The following NELL1 variants were observed in gnomAD, a reference collection of about 807,000 sequenced individuals.
The protein encoded by NELL1 is neural EGFL like 1.
A neutral mutation model predicts 107.4 loss-of-function variants in NELL1; 76 were observed. The observed-to-expected ratio is 0.71, with a 90% CI of 0.59 to 0.86. NELL1 has a LOEUF of 0.86. Ranked by LOEUF, NELL1 falls within the 40% of genes least tolerant of loss-of-function variation. The probability of loss-of-function intolerance (pLI) is 0.00; values close to 1 mark genes in which losing one functional copy is unlikely to be tolerated. For synonymous variants in NELL1, 353 were observed against 341.2 expected (o/e 1.03, Z -0.38); for missense variants, 1,024 against 1,005.5 (o/e 1.02, Z -0.25).
At chr11:21,299,213 T>A (rs1288827714) in intron 14 of NELL1, among the ~76,000 whole-genome samples, 1 of 152,036 alleles carries the variant, frequency 6.6e-6, no homozygotes, top group Admixed American at 6.6e-5. Context: ...TTTTCAGCTT[T>A]ATTAAGAAAT....
intron 12 of NELL1, among the ~76,000 whole-genome samples, chr11:20,962,440 A>G (rs915713152): frequency 1.3e-5 from 2 of 152,186 alleles, no homozygotes; most frequent in Admixed American, 6.5e-5. Flanking sequence ...CTCAAAAACA[A>G]TGTGAATCCT....
chr11:21,093,064 A>G lies in NELL1; in HGVS notation c.1301-20525A>G, dbSNP rs188934901. On this transcript the variant is annotated intron_variant, in intron 12 of 19. Transcript: ENST00000357134. ...AGTGGAGAGCTACTGAATGTTTACC[A>G]TTGGTTCAGGGGTGGGAGGAGGAAA... 2.9e-4 allele frequency among the ~76,000 whole-genome samples: 44 copies of G among 152,264 alleles called. No homozygotes were observed. The East Asian group carries it at 8.1e-3, about 28-fold the overall frequency.
intron 14 of NELL1, among the ~76,000 whole-genome samples, chr11:21,246,565 T>C (rs1238194153): frequency 1.3e-5 from 2 of 152,168 alleles, no homozygotes; most frequent in Non-Finnish European, 2.9e-5. Context: ...ATGGTATAGC[T>C]TACTACATAC....
chr11:21,567,711 T>C (rs749743075), intron 17 of NELL1, among the ~76,000 whole-genome samples: 25 of 151,954 alleles, frequency 1.6e-4, no homozygotes, highest in Admixed American at 8.5e-4. Context: ...AGCGTTGTTG[T>C]GGATAAAGTA....
rs182499739 is a variant in NELL1, at chr11:21,042,152, A to G, written c.1301-71437A>G. Reference sequence around the variant, plus strand: ...AATACTTAAAATATAACCTCTTAACACAATGTATTATAAACGAAAAACAAA... The same window carrying G: ...AATACTTAAAATATAACCTCTTAACGCAATGTATTATAAACGAAAAACAAA... On this transcript the variant is annotated intron_variant, in intron 12 of 19. Coordinates refer to ENST00000357134, the MANE Select transcript of NELL1 (RefSeq NM_006157.5). Among the ~76,000 whole-genome samples the G allele has an allele frequency of 1.8e-3, 273 of 152,340 alleles. 2 individuals carry two copies. The highest frequency in any genetic ancestry group is 1.6e-3 in the Non-Finnish European group (107 of 68,026).
intron 1 of NELL1, among the ~76,000 whole-genome samples, chr11:20,674,237 A>C (rs1332490688): frequency 1.3e-5 from 2 of 152,144 alleles, no homozygotes; most frequent in Non-Finnish European, 2.9e-5. Context: ...GGGCATGGAT[A>C]AGGGCTGGGA....
At chr11:20,959,444 G>A (rs1214703529) in intron 11 of NELL1, among the ~76,000 whole-genome samples, 1 of 152,090 alleles carries the variant, frequency 6.6e-6, no homozygotes. Flanking sequence ...CAATCAGAGT[G>A]GATAAAGAAA....
chr11:20,813,888 C>G (rs1462717716), intron 3 of NELL1, among the ~76,000 whole-genome samples: 1 of 151,946 alleles, frequency 6.6e-6, no homozygotes, highest in Non-Finnish European at 1.5e-5. Flanking sequence ...CCTTCATTCT[C>G]TAATTTTGTC....
At chr11:21,566,646 T>A (rs547977854) in intron 17 of NELL1, among the ~76,000 whole-genome samples, 1 of 151,914 alleles carries the variant, frequency 6.6e-6, no homozygotes, top group South Asian at 2.1e-4. Context: ...CCACCCAAGT[T>A]AGGATAGAGA....
At chr11:21,535,164 C>T (rs1283146407) in intron 16 of NELL1, among the ~76,000 whole-genome samples, 2 of 152,098 alleles carry the variant, frequency 1.3e-5, no homozygotes, top group African/African-American at 2.4e-5. Context: ...ATACTGAACA[C>T]GGGAAATTAG....
At chr11:20,940,872 T>G (rs957360955) in intron 10 of NELL1, among the ~76,000 whole-genome samples, 1 of 152,160 alleles carries the variant, frequency 6.6e-6, no homozygotes, top group Non-Finnish European at 1.5e-5. Context: ...GCGTGGTGGC[T>G]TATGCCTGTA....
intron 13 of NELL1, among the ~76,000 whole-genome samples, chr11:21,204,883 C>G (rs1426202745): frequency 1.3e-5 from 2 of 152,098 alleles, no homozygotes; most frequent in African/African-American, 4.8e-5. Context: ...TGCAGGTTTG[C>G]TAGAGTTTGC....
At chr11:20,954,135 C>A (rs553627503) in intron 11 of NELL1, among the ~76,000 whole-genome samples, 1 of 152,216 alleles carries the variant, frequency 6.6e-6, no homozygotes, top group East Asian at 1.9e-4. Flanking sequence ...AATTCAGCTT[C>A]ATATAATTGT....
At chr11:21,105,974 A>C in intron 12 of NELL1, among the ~76,000 whole-genome samples, 2 of 113,216 alleles carry the variant, frequency 1.8e-5, no homozygotes, top group African/African-American at 3.5e-5. Context: ...TCTTCCTTTC[A>C]TCTTTCTTCT....
At chr11:21,395,009 G>A (rs886338598) in intron 15 of NELL1, among the ~76,000 whole-genome samples, 3 of 151,386 alleles carry the variant, frequency 2.0e-5, no homozygotes, top group African/African-American at 7.3e-5. Flanking sequence ...TCTTGGAGAG[G>A]TATATACAAG....
At chr11:21,208,760 T>A (rs1305429165) in intron 13 of NELL1, among the ~76,000 whole-genome samples, 2 of 152,050 alleles carry the variant, frequency 1.3e-5, no homozygotes, top group Non-Finnish European at 2.9e-5. Flanking sequence ...GATGTAAAAG[T>A]GGTCCAAGCT....
chr11:21,087,690 GT>G (rs924583295), intron 12 of NELL1, among the ~76,000 whole-genome samples: 3 of 152,158 alleles, frequency 2.0e-5, no homozygotes, highest in African/African-American at 7.2e-5. Context: ...CAGGCGAATT[GT>G]TTCCCTTTAG....
intron 5 of NELL1, 117 bp from the exon 6 acceptor site, chr11:20,918,065 T>C (rs541535834): frequency 1.4e-6 from 1 of 713,078 alleles, no homozygotes; most frequent in Non-Finnish European, 2.6e-6. Flanking sequence ...GCTCACCCTT[T>C]GAATGAATCA....
intron 15 of NELL1, among the ~76,000 whole-genome samples, chr11:21,491,302 A>G (rs954124938): frequency 6.6e-6 from 1 of 151,762 alleles, no homozygotes; most frequent in Non-Finnish European, 1.5e-5. Flanking sequence ...TAATGCCTAG[A>G]TTTTCTTCTA....
Sources: allele counts gnomAD v4.1 joint callset (sites outside exome capture counted in the v4.1 genomes callset), GRCh38; gene constraint gnomAD v4.1.1; transcripts MANE v1.5; gene names NCBI Gene and HGNC (gene_info 2026-07-23, HGNC 2026-07-21).